Variants in DOCK1 observed in about 807,000 individuals in gnomAD.
DOCK1 encodes dedicator of cytokinesis protein 1.
A neutral mutation model predicts 262.7 loss-of-function variants in DOCK1; 138 were observed. The observed-to-expected ratio is 0.53, with a 90% CI of 0.46 to 0.61. The LOEUF (loss-of-function observed/expected upper bound fraction) is 0.61, where lower values mean the gene tolerates loss of function less well. Among genes scored for constraint, DOCK1 ranks in the 20% least tolerant of loss-of-function variants. DOCK1 has a pLI of 0.00. For missense variants in DOCK1, 1,908 were observed against 2,370.7 expected (o/e 0.80, Z 4.05); for synonymous variants, 866 against 867.4 (o/e 1.00, Z 0.03).
At chr10:127,002,496 A>G (rs1304924684) in intron 10 of DOCK1, among the ~76,000 whole-genome samples, 1 of 152,218 alleles carries the variant, frequency 6.6e-6, no homozygotes, top group Non-Finnish European at 1.5e-5. Flanking sequence ...GGTGATGGGC[A>G]TGGGCTCAGC....
intron 27 of DOCK1, among the ~76,000 whole-genome samples, chr10:127,209,234 TC>T (rs2057861491): frequency 6.6e-6 from 1 of 152,210 alleles, no homozygotes; most frequent in African/African-American, 2.4e-5. Flanking sequence ...AATGTTTAAC[TC>T]CCAGAAGTTA....
chr10:127,052,902 T>C, intron 22 of DOCK1, 87 bp downstream of exon 22: 1 of 1,515,402 alleles, frequency 6.6e-7, no homozygotes, highest in Middle Eastern at 2.2e-4. Flanking sequence ...CTCGTCCCCT[T>C]ATTCTTTCCT....
At chr10:127,115,554 A>T (rs184378798) in intron 25 of DOCK1, among the ~76,000 whole-genome samples, 3 of 152,398 alleles carry the variant, frequency 2.0e-5, no homozygotes, top group African/African-American at 7.2e-5. Context: ...TGTTGCCCAC[A>T]TAGCTGACAA....
At chr10:127,395,969 C>T (rs1421007379) in intron 38 of DOCK1, among the ~76,000 whole-genome samples, 5 of 152,158 alleles carry the variant, frequency 3.3e-5, no homozygotes, top group Middle Eastern at 3.2e-3. Flanking sequence ...AGCAAGGCAG[C>T]GAGGGTGCAC....
chr10:127,290,764 G>T (rs10829707), intron 29 of DOCK1, among the ~76,000 whole-genome samples: 8,932 of 152,230 alleles, frequency 0.059, 326 homozygotes, highest in Non-Finnish European at 0.086. Context: ...GCAATAGTTT[G>T]TTCCTTTTAT....
chr10:127,316,448 A>T (rs1426838083), intron 29 of DOCK1, among the ~76,000 whole-genome samples: 1 of 152,200 alleles, frequency 6.6e-6, no homozygotes, highest in Non-Finnish European at 1.5e-5. Context: ...TGGAAATCAG[A>T]AATCATATTG....
chr10:126,953,154 TTGG>T (rs1167472168), intron 1 of DOCK1, among the ~76,000 whole-genome samples: 80 of 149,844 alleles, frequency 5.3e-4, no homozygotes, highest in African/African-American at 1.6e-3. Context: ...TTTCGTAGTG[TTGG>T]TGGTGGTGGT....
At chr10:127,003,324 C>G (rs535627515) in intron 10 of DOCK1, among the ~76,000 whole-genome samples, 28 of 151,774 alleles carry the variant, frequency 1.8e-4, no homozygotes, top group African/African-American at 6.3e-4. Flanking sequence ...CCTTTATGAA[C>G]CTGTGTGAAC....
intron 27 of DOCK1, among the ~76,000 whole-genome samples, chr10:127,151,197 G>A (rs1376777455): frequency 6.6e-6 from 1 of 152,140 alleles, no homozygotes; most frequent in Non-Finnish European, 1.5e-5. Context: ...TAACATGATA[G>A]GGAGTTTAGG....
rs1164942691 is a variant in DOCK1, at chr10:127,028,208, C to A, written c.1624+1784C>A. On this transcript the variant is annotated intron_variant, in intron 16 of 51. Transcript: ENST00000623213. ...GGGAGAAGCAGGGGCAGGAAGGCCG[C>A]CAGCTTGGAAGGCAGTTCCCTGCCA... Among the ~76,000 whole-genome samples the A allele has an allele frequency of 2.0e-5, 3 of 152,278 alleles. No homozygotes were observed. The South Asian group carries it at 6.2e-4, about 32-fold the overall frequency.
intron 40 of DOCK1, among the ~76,000 whole-genome samples, chr10:127,407,119 T>C (rs1408649836): frequency 1.3e-5 from 2 of 152,130 alleles, no homozygotes; most frequent in Admixed American, 6.5e-5. Flanking sequence ...AGAATTCAAT[T>C]CTTAAACTGG....
intron 19 of DOCK1, among the ~76,000 whole-genome samples, chr10:127,038,259 ACATACACCTCTAGGTGCACAGAGTGCTT>A (rs2043785003): frequency 6.6e-6 from 1 of 152,098 alleles, no homozygotes; most frequent in African/African-American, 2.4e-5. Context: ...AAAAATAGTG[ACATACACCTCTAGGTGCACAGAGTGCTT>A]CTTGGCTTCT....
chr10:127,446,885 C>T lies in DOCK1; in HGVS notation c.5414-509C>T, dbSNP rs555113483. Among the ~76,000 whole-genome samples the T allele has an allele frequency of 5.3e-5, 8 of 152,118 alleles. No homozygotes were observed. The highest frequency in any genetic ancestry group is 1.9e-4 in the African/African-American group (8 of 41,422). On this transcript the variant is annotated intron_variant, in intron 50 of 51. Transcript: ENST00000623213. The surrounding 1 kb of genome is among the most constrained non-coding windows in gnomAD (Gnocchi z 4.4). ...CTATGGCTAATGACTTCATGTCATA[C>T]GACTGTGGATTTTCCTGTGGAAAGA...
intron 23 of DOCK1, among the ~76,000 whole-genome samples, chr10:127,071,581 T>C (rs918289160): frequency 2.6e-5 from 4 of 152,206 alleles, no homozygotes; most frequent in Non-Finnish European, 4.4e-5. Flanking sequence ...TAGTTTTTGG[T>C]TTACTGATTT....
At chr10:126,998,005 C>T (rs2040331876) in intron 7 of DOCK1, 87 bp from the exon 8 acceptor site, 3 of 1,525,270 alleles carry the variant, frequency 2.0e-6, no homozygotes, top group African/African-American at 1.4e-5. Flanking sequence ...TGAGTTATTA[C>T]AATTTTCTAT....
chr10:127,264,756 G>A (rs1474684320), intron 29 of DOCK1, among the ~76,000 whole-genome samples: 1 of 152,126 alleles, frequency 6.6e-6, no homozygotes, highest in African/African-American at 2.4e-5. Flanking sequence ...TAACTACTGG[G>A]TTCAAGCAAT....
chr10:127,273,747 A>T (rs989551731), intron 29 of DOCK1, among the ~76,000 whole-genome samples: 3 of 152,010 alleles, frequency 2.0e-5, no homozygotes, highest in Admixed American at 1.3e-4. Context: ...GCCGGGTGCG[A>T]TGGCAGGCAC....
intron 11 of DOCK1, among the ~76,000 whole-genome samples, chr10:127,009,474 G>C (rs1413246924): frequency 6.6e-6 from 1 of 152,146 alleles, no homozygotes. Context: ...AGTGTACCCA[G>C]ATGATGGTCG....
chr10:127,037,178 GCTCA>G (rs1444542387), intron 18 of DOCK1, among the ~76,000 whole-genome samples: 1 of 152,160 alleles, frequency 6.6e-6, no homozygotes, highest in South Asian at 2.1e-4. Context: ...AGGGCCGGAA[GCTCA>G]CTCAGTGCAG....
Sources: allele counts gnomAD v4.1 joint callset (sites outside exome capture counted in the v4.1 genomes callset), GRCh38; gene constraint gnomAD v4.1.1; non-coding constraint Gnocchi (gnomAD v3.1); transcripts MANE v1.5; gene names NCBI Gene and HGNC (gene_info 2026-07-23, HGNC 2026-07-21).